The following ACAD11 variants were observed in gnomAD, a reference collection of about 807,000 sequenced individuals.
ACAD11 encodes acyl-Coenzyme A dehydrogenase family, member 11.
In ACAD11, 83 loss-of-function variants were observed where a neutral mutation model predicts 102.2. That is an observed-to-expected ratio of 0.81 (90% CI 0.68 to 0.97). The LOEUF is 0.97. Ranked by LOEUF, ACAD11 falls within the 50% of genes least tolerant of loss-of-function variation. The probability of loss-of-function intolerance (pLI) is 0.00; values close to 1 mark genes in which losing one functional copy is unlikely to be tolerated. For missense variants in ACAD11, 901 were observed against 951.7 expected, an observed-to-expected ratio of 0.95 and a Z score of 0.70; for synonymous variants, 324 against 319.8, an observed-to-expected ratio of 1.01 and a Z score of -0.14.
At chr3:132,646,550 C>T (rs1367998304) in intron 1 of ACAD11, 1 of 152,176 alleles carries the variant, frequency 6.6e-6, no homozygotes, top group Non-Finnish European at 1.5e-5. Context: ...CTAAAAGCTT[C>T]TTGTTGAAGA....
At chr3:132,610,914 C>T (rs1939106780) in intron 11 of ACAD11, among the ~76,000 whole-genome samples, 1 of 151,934 alleles carries the variant, frequency 6.6e-6, no homozygotes, top group South Asian at 2.1e-4. Context: ...GGCAGAGACA[C>T]AATAAAAAAA....
At chr3:132,600,183 G>C (rs1377010249) in intron 13 of ACAD11, among the ~76,000 whole-genome samples, 1 of 152,134 alleles carries the variant, frequency 6.6e-6, no homozygotes, top group East Asian at 1.9e-4. Context: ...ACACAGAATT[G>C]TACAAGCAAA....
intron 11 of ACAD11, among the ~76,000 whole-genome samples, chr3:132,616,681 C>A (rs1576593577): frequency 6.6e-6 from 1 of 152,228 alleles, no homozygotes; most frequent in East Asian, 1.9e-4. Context: ...GAGTAGCAAT[C>A]AAAAATGTTT....
chr3:132,652,599 C>A (rs1420815951), intron 1 of ACAD11, among the ~76,000 whole-genome samples: 2 of 151,946 alleles, frequency 1.3e-5, no homozygotes, highest in African/African-American at 4.8e-5. Flanking sequence ...CTGGCCATAG[C>A]TGAAGAAAGA....
At chr3:132,569,005 A>T (rs918873502) in intron 17 of ACAD11, among the ~76,000 whole-genome samples, 2 of 152,066 alleles carry the variant, frequency 1.3e-5, no homozygotes, top group Non-Finnish European at 2.9e-5. Flanking sequence ...GACAAATTAG[A>T]GTTCATTAAA....
At chr3:132,597,860 TAATA>T (rs1938384557) in intron 13 of ACAD11, among the ~76,000 whole-genome samples, 1 of 152,164 alleles carries the variant, frequency 6.6e-6, no homozygotes. Context: ...CATACTGTGT[TAATA>T]ATTAATGCAT....
intron 11 of ACAD11, among the ~76,000 whole-genome samples, chr3:132,612,991 G>C (rs1464881978): frequency 6.6e-6 from 1 of 152,062 alleles, no homozygotes; most frequent in African/African-American, 2.4e-5. Context: ...GTCCAACAAT[G>C]ATAGACTGGA....
chr3:132,620,802 A>G (rs1939577936), intron 9 of ACAD11, among the ~76,000 whole-genome samples: 1 of 152,214 alleles, frequency 6.6e-6, no homozygotes, highest in Non-Finnish European at 1.5e-5. Context: ...GGGGAACTTG[A>G]TAAAAATATG....
intron 12 of ACAD11, among the ~76,000 whole-genome samples, chr3:132,603,594 T>C (rs1938710742): frequency 6.6e-6 from 1 of 152,202 alleles, no homozygotes; most frequent in African/African-American, 2.4e-5. Flanking sequence ...TGATTTGGGA[T>C]ACAACCCAGT....
intron 13 of ACAD11, among the ~76,000 whole-genome samples, chr3:132,593,834 G>A (rs1229956618): frequency 1.3e-5 from 2 of 152,054 alleles, no homozygotes; most frequent in East Asian, 3.9e-4. Context: ...GCCAATTTAT[G>A]GTAAGCAGCA....
intron 13 of ACAD11, among the ~76,000 whole-genome samples, chr3:132,596,318 T>G (rs183683192): frequency 6.6e-6 from 1 of 152,092 alleles, no homozygotes; most frequent in South Asian, 2.1e-4. Context: ...AAATAACTAA[T>G]GGGTACTAGG....
chr3:132,652,188 G>A (rs1940953656), intron 1 of ACAD11, among the ~76,000 whole-genome samples: 2 of 152,136 alleles, frequency 1.3e-5, no homozygotes, highest in Admixed American at 6.5e-5. Flanking sequence ...TTCCTGTGCT[G>A]TTCTCATGAT....
chr3:132,582,848 G>A (rs913708384), intron 13 of ACAD11, among the ~76,000 whole-genome samples: 1 of 152,078 alleles, frequency 6.6e-6, no homozygotes, highest in Admixed American at 6.6e-5. Flanking sequence ...TTTCTCCATA[G>A]TCACAGCCTC....
At chr3:132,584,560 T>C (rs1022227571) in intron 13 of ACAD11, among the ~76,000 whole-genome samples, 2 of 152,186 alleles carry the variant, frequency 1.3e-5, no homozygotes, top group Non-Finnish European at 2.9e-5. Context: ...CCCATTTACA[T>C]TTAAGGTTAA....
At position 132,579,050 on chromosome 3, in the gene ACAD11, C is replaced by A. The variant is rs117493517; in HGVS notation, c.1689-169G>T. On this transcript the variant is annotated intron_variant, in intron 14 of 19. Transcript: ENST00000264990. ...GTACACCAACATAGTCTGATGCAGG[C>A]TGTGATCTGGAACAGAAACAATGAT... is the stretch of plus-strand genomic sequence containing the variant. 2.0e-6 allele frequency: 3 copies of A among 1,508,896 alleles called. No individual in the cohort carries two copies. In the East Asian group the frequency reaches 7.7e-5, roughly 39 times the overall value. The allele number at this position is 1,508,896 out of a possible 1,614,324, so 93.5% of individuals were successfully genotyped here. A position where few individuals can be genotyped will look rare whatever the true frequency, so the allele number is the denominator to read the frequency against.
chr3:132,576,535 G>C (rs1937527048), intron 16 of ACAD11, among the ~76,000 whole-genome samples: 1 of 152,148 alleles, frequency 6.6e-6, no homozygotes, highest in Non-Finnish European at 1.5e-5. Context: ...AAAACAAATA[G>C]AGGCCTACAG....
intron 11 of ACAD11, among the ~76,000 whole-genome samples, chr3:132,607,400 C>T (rs1024606347): frequency 2.0e-5 from 3 of 152,128 alleles, no homozygotes; most frequent in Admixed American, 6.5e-5. Context: ...GAATTGCTAA[C>T]TAGAATAACC....
chr3:132,559,911 GC>G lies in ACAD11; in HGVS notation c.2149del (p.Ala717LeufsTer30). 1 of 1,613,382 alleles carries G rather than the reference GC, an allele frequency of 6.2e-7. No individual in the cohort carries two copies. The highest frequency in any genetic ancestry group is 8.5e-7 in the Non-Finnish European group (1 of 1,179,640). On this transcript the variant is annotated frameshift_variant, in exon 19 of 20. Transcript: ENST00000264990. LOFTEE classifies it high-confidence loss of function. ...IAMIKVAAPR[A>X]VSKIVDWAIQ... is the part of the protein sequence containing the mutation. ...GGCCCAGTCAACGATTTTGCTGACA[GC>G]CCGTGGGGCAGCCACTTTGATCATT...
intron 18 of ACAD11, 144 bp downstream of exon 18, chr3:132,560,957 T>C (rs1937035627): frequency 4.7e-6 from 3 of 635,314 alleles, no homozygotes; most frequent in Non-Finnish European, 8.5e-6. Context: ...GTGACAGGCA[T>C]TTATAATTTA....
Sources: allele counts gnomAD v4.1 joint callset (sites outside exome capture counted in the v4.1 genomes callset), GRCh38; gene constraint gnomAD v4.1.1; transcripts MANE v1.5; gene names NCBI Gene and HGNC (gene_info 2026-07-23, HGNC 2026-07-21).